G2E3: variants seen among roughly 807,000 people sequenced by gnomAD.
G2E3 encodes the protein G2/M phase-specific E3 ubiquitin-protein ligase.
A neutral mutation model predicts 92.8 loss-of-function variants in G2E3; 35 were observed. The observed-to-expected ratio is 0.38, with a 90% CI of 0.29 to 0.50. The LOEUF is 0.50. Among genes scored for constraint, G2E3 ranks in the 20% least tolerant of loss-of-function variants. The pLI, the probability that G2E3 is intolerant of heterozygous loss-of-function variation, is 0.94. For synonymous variants in G2E3, 242 were observed against 272.4 expected (o/e 0.89, Z 1.10); for missense variants, 554 against 823.8 (o/e 0.67, Z 4.01).
At chr14:30,571,944 T>TAA (rs34718480) in intron 1 of G2E3, among the ~76,000 whole-genome samples, 1,520 of 144,518 alleles carry the variant, frequency 0.011, 37 homozygotes, top group African/African-American at 0.035. Context: ...GCCAGTATCT[T>TAA]AAAAAAAAAA....
intron 1 of G2E3, among the ~76,000 whole-genome samples, chr14:30,567,567 C>T (rs1456214681): frequency 1.3e-5 from 2 of 151,768 alleles, no homozygotes; most frequent in Admixed American, 6.6e-5. Flanking sequence ...TCTAACTAAA[C>T]GTTTTCAATT....
At chr14:30,607,143 A>C (rs1262007394) in intron 11 of G2E3, among the ~76,000 whole-genome samples, 1 of 152,130 alleles carries the variant, frequency 6.6e-6, no homozygotes, top group East Asian at 1.9e-4. Context: ...TGCATTTATT[A>C]ACTGTAGATT....
At chr14:30,580,829 C>T (rs1880391323) in intron 1 of G2E3, 3 of 404,188 alleles carry the variant, frequency 7.4e-6, no homozygotes, top group Non-Finnish European at 1.4e-5. Context: ...CCTCTTTCCA[C>T]TAAATACCAG....
In G2E3 at chr14:30,598,501, A is replaced by G. The variant is rs772723541; in HGVS notation, c.654A>G (p.Leu218=). Residue 218 remains leucine (L), a synonymous_variant, in exon 8 of 15, where the codon TTA becomes TTG. Transcript: ENST00000206595. ...TTTATAGAGATGCTTCCTGGGAATTAGAGGAAAACGCTTATCAAGAGCTTC... is the reference window on the plus strand; with the variant it reads ...TTTATAGAGATGCTTCCTGGGAATTGGAGGAAAACGCTTATCAAGAGCTTC... ...HIPEKDASWE[L]EENAYQELLQ... The G allele has an allele frequency of 1.9e-6, 3 of 1,608,136 alleles. No homozygotes were observed. The South Asian group carries it at 3.3e-5, about 18-fold the overall frequency.
chr14:30,582,128 C>T lies in G2E3; in HGVS notation c.37+1012C>T, dbSNP rs75741795. ...AAACTTTTAGTACTTCATGGACTAC[C>T]TCTATGCATTTGCCAAATGCAAATA... is the stretch of plus-strand genomic sequence containing the variant. On this transcript the variant is annotated intron_variant, in intron 2 of 14. Transcript: ENST00000206595. Among the ~76,000 whole-genome samples the T allele has an allele frequency of 6.7e-4, 102 of 152,284 alleles. No individual in the cohort carries two copies. In the East Asian group the frequency reaches 0.019, roughly 28 times the overall value.
chr14:30,580,851 A>T (rs1880392352), intron 1 of G2E3: 1 of 452,066 alleles, frequency 2.2e-6, no homozygotes, highest in Non-Finnish European at 4.0e-6. Flanking sequence ...GGTCATCTTA[A>T]TTGTTTTGAC....
At chr14:30,575,006 T>C (rs1714767108) in intron 1 of G2E3, among the ~76,000 whole-genome samples, 2 of 152,198 alleles carry the variant, frequency 1.3e-5, no homozygotes, top group African/African-American at 4.8e-5. Flanking sequence ...CCATACTGCT[T>C]TCCACAGTGG....
chr14:30,615,371 C>T lies in G2E3; in HGVS notation c.1696C>T (p.Leu566Phe). 6.3e-7 allele frequency: 1 copy of T among 1,596,916 alleles called. No individual in the cohort carries two copies. Among genetic ancestry groups the T allele is most frequent in the Non-Finnish European group, 8.5e-7 (1 of 1,172,056 alleles). ...AAGTTTTAAGCAGGGTCTGAAAACCCTTGGTGTTTTGGAGAAAATTCAGGC... is the reference window on the plus strand; with the variant it reads ...AAGTTTTAAGCAGGGTCTGAAAACCTTTGGTGTTTTGGAGAAAATTCAGGC... The part of the protein sequence containing the change: ...FESFKQGLKT[L>F]GVLEKIQAYP... The change falls in exon 14 of 15, where the codon CTT becomes TTT. Residue 566 changes from leucine (L) to phenylalanine (F), a missense_variant. Coordinates refer to ENST00000206595, the MANE Select transcript of G2E3 (RefSeq NM_017769.5).
At position 30,619,465 on chromosome 14, in the gene G2E3, T is replaced by C. The variant is rs775183400; in HGVS notation, c.*2931T>C. 6 of 152,184 alleles carry C rather than the reference T, an allele frequency of 3.9e-5. No homozygotes were observed. The highest frequency in any genetic ancestry group is 7.4e-5 in the Non-Finnish European group (5 of 67,988). The allele number at this position is 152,184 out of a possible 1,614,324, so 9.4% of individuals were successfully genotyped here. A position where few individuals can be genotyped will look rare whatever the true frequency, so the allele number is the denominator to read the frequency against. On this transcript the variant is annotated 3_prime_UTR_variant, in exon 15 of 15. Transcript: ENST00000206595. Reference sequence around the variant, plus strand: ...CTTTTATATAGTGATTATCATGTACTGCATTGTTACTTTAAAATAAGCTAT... The same window carrying C: ...CTTTTATATAGTGATTATCATGTACCGCATTGTTACTTTAAAATAAGCTAT...
chr14:30,608,593 G>A lies in G2E3; in HGVS notation c.1500+524G>A, dbSNP rs145223618. On this transcript the variant is annotated intron_variant, in intron 12 of 14. Transcript: ENST00000206595. Reference sequence around the variant, plus strand: ...GGATCGGGGAGGACTTAATGCGTCCGCCTAAAAATAGTTCATTTATTCAGC... The same window carrying A: ...GGATCGGGGAGGACTTAATGCGTCCACCTAAAAATAGTTCATTTATTCAGC... 1.2e-4 allele frequency among the ~76,000 whole-genome samples: 19 copies of A among 152,282 alleles called. No individual in the cohort carries two copies. The East Asian group carries it at 1.4e-3, about 11-fold the overall frequency.
rs569030142 is a variant in G2E3 at position 30,601,876 on chromosome 14, G to A, written c.859G>A (p.Gly287Ser). ...EQNWECLECR[G>S]IIYNSGEFQK... ...AAATTGGGAGTGTTTGGAATGTAGG[G>A]GTATTATCTACAATTCAGGTAATTT... Residue 287 changes from glycine to serine, a missense_variant, in exon 9 of 15, where the codon GGT (glycine) becomes AGT (serine). Gly to Ser is a moderately conservative substitution (Grantham distance 56). This residue lies in a region of G2E3 where 397 missense variants were observed against 560.3 expected (regional missense o/e 0.71). Transcript: ENST00000206595. 6.2e-7 allele frequency: 1 copy of A among 1,612,826 alleles called. No homozygotes were observed. Among genetic ancestry groups the A allele is most frequent in the South Asian group, 1.1e-5 (1 of 90,996 alleles).
At chr14:30,609,658 C>A (rs1881996927) in intron 12 of G2E3, among the ~76,000 whole-genome samples, 1 of 152,122 alleles carries the variant, frequency 6.6e-6, no homozygotes, top group Non-Finnish European at 1.5e-5. Context: ...CAGATAAGAC[C>A]TGGGTCTTGC....
intron 2 of G2E3, among the ~76,000 whole-genome samples, chr14:30,583,706 G>A (rs773791255): frequency 2.6e-5 from 4 of 152,130 alleles, no homozygotes; most frequent in African/African-American, 4.8e-5. Context: ...ATGATAATTA[G>A]CTCCATTTAG....
rs536016573 is a variant in G2E3 at position 30,599,126 on chromosome 14, G to A, written c.752+527G>A. ...TCCTCACACGAGTTGTCCCTCTGTC[G>A]GTGTGTTGTCTACGTCCTAATCTCT... On this transcript the variant is annotated intron_variant, in intron 8 of 14. Coordinates refer to ENST00000206595, the MANE Select transcript of G2E3 (RefSeq NM_017769.5). Among the ~76,000 whole-genome samples, 40 of 152,144 alleles carry A rather than the reference G, an allele frequency of 2.6e-4. No homozygotes were observed. In the South Asian group the frequency reaches 7.7e-3, roughly 29 times the overall value.
chr14:30,562,207 CTG>C (rs1324940699), intron 1 of G2E3, among the ~76,000 whole-genome samples: 27 of 152,000 alleles, frequency 1.8e-4, no homozygotes, highest in Admixed American at 1.4e-3. Flanking sequence ...AGGCAAGAGA[CTG>C]GGGGCACGAG....
Position 30,618,507 on chromosome 14 carries a change from TGTTGGG to T in G2E3, c.*1976_*1981del, listed in dbSNP as rs1321169422. ...CTGATTAAGTCACACACACATACTTTGTTGGGGTGGGGGTGGCAGGTGGAGAGGCAG... is the reference window on the plus strand; with the variant it reads ...CTGATTAAGTCACACACACATACTTTGTGGGGGTGGCAGGTGGAGAGGCAG... On this transcript the variant is annotated 3_prime_UTR_variant, in exon 15 of 15. Coordinates refer to ENST00000206595, the MANE Select transcript of G2E3 (RefSeq NM_017769.5). 9 of 151,760 alleles carry T rather than the reference TGTTGGG, an allele frequency of 5.9e-5. No individual in the cohort carries two copies. Among genetic ancestry groups the T allele is most frequent in the Admixed American group, 1.3e-4 (2 of 15,254 alleles). The allele number at this position is 151,760 out of a possible 1,614,324, so 9.4% of individuals were successfully genotyped here. A position where few individuals can be genotyped will look rare whatever the true frequency, so the allele number is the denominator to read the frequency against.
rs1881801915 is a variant in G2E3 at position 30,605,731 on chromosome 14, C to G, written c.1237C>G (p.Leu413Val). ...GCATCCTGGATCAAAGCAAGAATTT[C>G]TGAGTCTCTTAATGCAACATCTTGA... ...SEHPGSKQEFLSLLMQHLENS... is the reference protein window; with the variant it reads ...SEHPGSKQEFVSLLMQHLENS... The change falls in exon 11 of 15, where the codon CTG (leucine) becomes GTG (valine). Residue 413 changes from leucine to valine, a missense_variant. Physicochemically the swap from Leu to Val is conservative, Grantham distance 32. Around this residue, in one of 3 missense-constraint regions of G2E3, gnomAD observed 397 missense variants for 560.3 expected, o/e 0.71. Coordinates refer to ENST00000206595, the MANE Select transcript of G2E3 (RefSeq NM_017769.5). The G allele has an allele frequency of 1.2e-6, 2 of 1,608,254 alleles. No homozygotes were observed. The highest frequency in any genetic ancestry group is 1.7e-6 in the Non-Finnish European group (2 of 1,176,248).
At chr14:30,563,174 A>C (rs1290474333) in intron 1 of G2E3, among the ~76,000 whole-genome samples, 5 of 144,974 alleles carry the variant, frequency 3.4e-5, no homozygotes, top group Admixed American at 2.7e-4. Context: ...TTTTTTTTTT[A>C]ATTATGAGTG....
intron 12 of G2E3, among the ~76,000 whole-genome samples, chr14:30,608,573 G>A (rs931336932): frequency 1.3e-5 from 2 of 152,212 alleles, no homozygotes; most frequent in African/African-American, 2.4e-5. Context: ...GGTAGGGATC[G>A]GGGAGGACTT....
Sources: gnomAD v4.1 joint callset for allele counts (sites outside exome capture counted in the v4.1 genomes callset) on GRCh38, gnomAD v4.1.1 for gene constraint, gnomAD v4.1.1 regional missense constraint, MANE v1.5 for transcripts, NCBI Gene and HGNC (gene_info 2026-07-23, HGNC 2026-07-21) for gene names.